PAQR9: variants seen among roughly 807,000 people sequenced by gnomAD.
The protein encoded by PAQR9 is membrane progestin receptor epsilon.
In PAQR9, 12 loss-of-function variants were observed where a neutral mutation model predicts 24.0. The observed-to-expected ratio is 0.50, with a 90% CI of 0.32 to 0.81. The LOEUF (loss-of-function observed/expected upper bound fraction) is 0.81, where lower values mean the gene tolerates loss of function less well. PAQR9 is among the 30% of genes least tolerant of loss of function. The pLI is 0.03. For missense variants in PAQR9, 418 were observed against 520.8 expected, an observed-to-expected ratio of 0.80 and a Z score of 1.92; for synonymous variants, 266 against 237.6, an observed-to-expected ratio of 1.12 and a Z score of -1.10.
downstream of PAQR9, chr3:142,951,548 A>G (rs535922121): frequency 2.7e-6 from 1 of 367,996 alleles, no homozygotes; most frequent in African/African-American, 2.1e-5. Flanking sequence ...AGACAACAGA[A>G]TCTACTGAAG....
rs748147767 is a variant in PAQR9, at chr3:142,963,016, C to A, written c.321G>T (p.Leu107=). Residue 107 remains leucine, a synonymous_variant, in exon 1 of 1, where the codon CTG becomes CTT. Transcript: ENST00000340634. ...FLSKFCRLFF[L]SGGDVPFHHP... ...GGTGGAAGGGCACGTCGCCGCCGCTCAGGAAGAACAGACGGCAGAACTTGC... is the reference window on the plus strand; with the variant it reads ...GGTGGAAGGGCACGTCGCCGCCGCTAAGGAAGAACAGACGGCAGAACTTGC... 2 of 1,614,160 alleles carry A rather than the reference C, an allele frequency of 1.2e-6. No individual in the cohort carries two copies. Among genetic ancestry groups the A allele is most frequent in the Non-Finnish European group, 1.7e-6 (2 of 1,180,012 alleles).
chr3:142,950,499 C>T, downstream of PAQR9: 1 of 388,168 alleles, frequency 2.6e-6, no homozygotes. Context: ...CTTCTAAGCT[C>T]CTTACATCCC....
At position 142,962,838 on chromosome 3, in the gene PAQR9, C is replaced by T. The variant is rs1289055190; in HGVS notation, c.499G>A (p.Gly167Ser). ...TAGTAGTAGTAGGCCACCGTGCTGC[C>T]GAAGCCGTAGTAGCTGATGGACGCG... ...DYASISYYGF[G>S]STVAYYYYLL... The change falls in exon 1 of 1, where the codon GGC (glycine) becomes AGC (serine). Residue 167 changes from glycine (G) to serine (S), a missense_variant. By Grantham distance (56) the Gly-to-Ser change is moderately conservative. Transcript: ENST00000340634. The T allele has an allele frequency of 7.4e-6, 12 of 1,613,200 alleles. No homozygotes were observed. The highest frequency in any genetic ancestry group is 1.0e-5 in the Non-Finnish European group (12 of 1,179,944).
rs1243164475 is a variant in PAQR9, at chr3:142,957,680, A to G, written c.*4523T>C. Among the ~76,000 whole-genome samples, 2 of 152,202 alleles carry G rather than the reference A, an allele frequency of 1.3e-5. No homozygotes were observed. On this transcript the variant is annotated 3_prime_UTR_variant, in exon 1 of 1. Transcript: ENST00000340634. ...ATAGTATGAATACTATCAATCTTCCAATAGTTATCGTTATTAGTGTTTTCA... is the reference window on the plus strand; with the variant it reads ...ATAGTATGAATACTATCAATCTTCCGATAGTTATCGTTATTAGTGTTTTCA...
chr3:142,962,515 G>A lies in PAQR9; in HGVS notation c.822C>T (p.Phe274=), dbSNP rs2108243535. 2 of 1,612,954 alleles carry A rather than the reference G, an allele frequency of 1.2e-6. No individual in the cohort carries two copies. The highest frequency in any genetic ancestry group is 4.5e-5 in the East Asian group (2 of 44,880). ...AGAAGTAGCGGCGGTAGAAGTGCAC[G>A]AAGAGTGTGGGGTTCTCCCCACGCA... ...FDLRGENPTL[F]VHFYRRYFWL... The change falls in exon 1 of 1, where the codon TTC becomes TTT. Residue 274 remains phenylalanine, a synonymous_variant. Transcript: ENST00000340634.
Position 142,956,103 on chromosome 3 carries a change from T to A in PAQR9, c.*6100A>T, listed in dbSNP as rs1029979915. Among the ~76,000 whole-genome samples, 10 of 152,192 alleles carry A rather than the reference T, an allele frequency of 6.6e-5. No individual in the cohort carries two copies. The highest frequency in any genetic ancestry group is 2.4e-4 in the African/African-American group (10 of 41,450). ...AAAATTAAAATACTTTTTTAAAAAA[T>A]TTTCCCAGGAATTTTATTTTTTGCA... On this transcript the variant is annotated 3_prime_UTR_variant, in exon 1 of 1. Transcript: ENST00000340634.
chr3:142,959,560 T>A lies in PAQR9; in HGVS notation c.*2643A>T, dbSNP rs940292095. On this transcript the variant is annotated 3_prime_UTR_variant, in exon 1 of 1. Transcript: ENST00000340634. Reference sequence around the variant, plus strand: ...GCAAAGGGAAGAGGAAAGTGAATCCTCATTCTCTCTGGGACATACTGGGTG... The same window carrying A: ...GCAAAGGGAAGAGGAAAGTGAATCCACATTCTCTCTGGGACATACTGGGTG... Among the ~76,000 whole-genome samples, 1 of 152,202 alleles carries A rather than the reference T, an allele frequency of 6.6e-6. No individual in the cohort carries two copies. The highest frequency in any genetic ancestry group is 6.5e-5 in the Admixed American group (1 of 15,286).
chr3:142,951,553 C>T, downstream of PAQR9: 1 of 371,622 alleles, frequency 2.7e-6, no homozygotes, highest in Non-Finnish European at 5.2e-6. Context: ...ACAGAATCTA[C>T]TGAAGCTAGT....
downstream of PAQR9, among the ~76,000 whole-genome samples, chr3:142,952,377 C>T (rs1419117218): frequency 3.3e-5 from 5 of 152,082 alleles, no homozygotes; most frequent in Non-Finnish European, 7.4e-5. Flanking sequence ...CATATCTGTA[C>T]TTAAAAAATG....
chr3:142,963,426 C>T lies in PAQR9; in HGVS notation c.-90G>A. On this transcript the variant is annotated 5_prime_UTR_variant, in exon 1 of 1. Transcript: ENST00000340634. The stretch of plus-strand genomic sequence containing the variant: ...AGCCCCCGCCGGCCGCCGTCGGAGC[C>T]TTTGTGCCCACGCCGGGGGCGTCGC... The T allele has an allele frequency of 9.4e-7, 1 of 1,059,854 alleles. No homozygotes were observed. Among genetic ancestry groups the T allele is most frequent in the Non-Finnish European group, 1.1e-6 (1 of 880,726 alleles). 65.7% of individuals were successfully genotyped at this position (1,059,854 alleles called of 1,614,324 possible).
At position 142,961,021 on chromosome 3, in the gene PAQR9, T is replaced by C. The variant is rs1479308210; in HGVS notation, c.*1182A>G. 6.6e-6 allele frequency: 1 copy of C among 152,250 alleles called. No homozygotes were observed. The highest frequency in any genetic ancestry group is 1.5e-5 in the Non-Finnish European group (1 of 68,046). The allele number at this position is 152,250 out of a possible 1,614,324, so 9.4% of individuals were successfully genotyped here. A position where few individuals can be genotyped will look rare whatever the true frequency, so the allele number is the denominator to read the frequency against. On this transcript the variant is annotated 3_prime_UTR_variant, in exon 1 of 1. Transcript: ENST00000340634. The stretch of plus-strand genomic sequence containing the variant: ...CTCCCATGGCTGCATTAGAAACACA[T>C]CTACATTAGAGGGTTGGCTCTTTGT...
Position 142,959,660 on chromosome 3 carries a change from T to A in PAQR9, c.*2543A>T, listed in dbSNP as rs546218866. ...ATAATCACCTGAAAAATGATATGGG[T>A]ATAATTTTATCCTTAAGTGGCCTCT... is the stretch of plus-strand genomic sequence containing the variant. On this transcript the variant is annotated 3_prime_UTR_variant, in exon 1 of 1. Coordinates refer to ENST00000340634, the MANE Select transcript of PAQR9 (RefSeq NM_198504.4). Among the ~76,000 whole-genome samples the A allele has an allele frequency of 6.6e-6, 1 of 152,120 alleles. No homozygotes were observed. The highest frequency in any genetic ancestry group is 1.5e-5 in the Non-Finnish European group (1 of 68,024).
chr3:142,962,425 G>A lies in PAQR9; in HGVS notation c.912C>T (p.Phe304=), dbSNP rs537276533. The stretch of plus-strand genomic sequence containing the variant: ...GCTGGTGGCTGTGGCCGATAATGTC[G>A]AAAAGACCCGGCTGGATGCGCTCGG... ...KIPERIQPGL[F]DIIGHSHQLF... The change falls in exon 1 of 1, where the codon TTC becomes TTT. Residue 304 remains phenylalanine (F), a synonymous_variant. Coordinates refer to ENST00000340634, the MANE Select transcript of PAQR9 (RefSeq NM_198504.4). 3 of 1,614,160 alleles carry A rather than the reference G, an allele frequency of 1.9e-6. No homozygotes were observed. Among genetic ancestry groups the A allele is most frequent in the Admixed American group, 1.7e-5 (1 of 60,036 alleles).
downstream of PAQR9, among the ~76,000 whole-genome samples, chr3:142,951,370 T>C (rs546889192): frequency 3.3e-5 from 5 of 152,362 alleles, no homozygotes; most frequent in Admixed American, 6.5e-5. Context: ...TCAAACTCTC[T>C]GAAGTAGCTG....
At position 142,955,406 on chromosome 3, in the gene PAQR9, A is replaced by G. The variant is rs993625281; in HGVS notation, c.*6797T>C. The stretch of plus-strand genomic sequence containing the variant: ...AATGGCCTGGGAGATGGCTGAAATG[A>G]AGAGAGTTCAGAGCGACCACATGGT... On this transcript the variant is annotated 3_prime_UTR_variant, in exon 1 of 1. Transcript: ENST00000340634. Among the ~76,000 whole-genome samples the G allele has an allele frequency of 5.7e-5, 8 of 140,640 alleles. No individual in the cohort carries two copies. Among genetic ancestry groups the G allele is most frequent in the African/African-American group, 2.1e-4 (8 of 38,416 alleles). The allele number at this position is 140,640 out of a possible 152,430, so 92.3% of individuals were successfully genotyped here.
chr3:142,960,732 T>C lies in PAQR9; in HGVS notation c.*1471A>G, dbSNP rs908277516. ...ATTTGTAAGAAATGTCTAAATAACATTGGCTAATCTGTTTGTTAGAAAGGA... is the reference window on the plus strand; with the variant it reads ...ATTTGTAAGAAATGTCTAAATAACACTGGCTAATCTGTTTGTTAGAAAGGA... On this transcript the variant is annotated 3_prime_UTR_variant, in exon 1 of 1. Transcript: ENST00000340634. The C allele has an allele frequency of 2.6e-5, 4 of 152,238 alleles. No individual in the cohort carries two copies. Among genetic ancestry groups the C allele is most frequent in the South Asian group, 4.1e-4 (2 of 4,832 alleles). 9.4% of individuals were successfully genotyped at this position (152,238 alleles called of 1,614,324 possible).
At position 142,959,180 on chromosome 3, in the gene PAQR9, A is replaced by T. The variant is rs1420902366; in HGVS notation, c.*3023T>A. Among the ~76,000 whole-genome samples the T allele has an allele frequency of 6.6e-6, 1 of 152,206 alleles. No individual in the cohort carries two copies. Among genetic ancestry groups the T allele is most frequent in the African/African-American group, 2.4e-5 (1 of 41,454 alleles). On this transcript the variant is annotated 3_prime_UTR_variant, in exon 1 of 1. Transcript: ENST00000340634. ...ACATTTCAAACAGCTGAACACAATA[A>T]AGTAAAACTGAATTTTAATGTGGCA...
rs1054600269 is a variant in PAQR9 at position 142,959,084 on chromosome 3, G to A, written c.*3119C>T. ...AAAAATGAAACATATTACATAATAT[G>A]CTTCAAAATTCTACTGCCAAAATAG... On this transcript the variant is annotated 3_prime_UTR_variant, in exon 1 of 1. Coordinates refer to ENST00000340634, the MANE Select transcript of PAQR9 (RefSeq NM_198504.4). 6.6e-6 allele frequency among the ~76,000 whole-genome samples: 1 copy of A among 152,164 alleles called. No individual in the cohort carries two copies. The highest frequency in any genetic ancestry group is 1.5e-5 in the Non-Finnish European group (1 of 68,024).
rs1387787041 is a variant in PAQR9 at position 142,955,156 on chromosome 3, G to A, written c.*7047C>T. On this transcript the variant is annotated 3_prime_UTR_variant, in exon 1 of 1. Coordinates refer to ENST00000340634, the MANE Select transcript of PAQR9 (RefSeq NM_198504.4). ...TCTGCCTCTGACCTGAGGAAAAAAT[G>A]AGTATGCCCCTTCAAGTATAATGCC... 6.6e-6 allele frequency among the ~76,000 whole-genome samples: 1 copy of A among 152,072 alleles called. No individual in the cohort carries two copies. The highest frequency in any genetic ancestry group is 2.4e-5 in the African/African-American group (1 of 41,408).
Sources: gnomAD v4.1 joint callset for allele counts (sites outside exome capture counted in the v4.1 genomes callset) on GRCh38, gnomAD v4.1.1 for gene constraint, MANE v1.5 for transcripts, NCBI Gene and HGNC (gene_info 2026-07-23, HGNC 2026-07-21) for gene names.